Variants in MS4A18 observed in about 807,000 individuals in gnomAD.
MS4A18 encodes the protein membrane spanning 4-domains A18.
MS4A18 carries 27 observed loss-of-function variants against 13.1 expected under a neutral mutation model. That is an observed-to-expected ratio of 2.06 (90% CI 1.52 to 2.84). MS4A18 has a LOEUF of 2.84. Among genes scored for constraint, MS4A18 ranks in the 30% most tolerant of loss-of-function variants. The pLI, the probability that MS4A18 is intolerant of heterozygous loss-of-function variation, is 0.00. For synonymous variants in MS4A18, 126 were observed against 76.5 expected (o/e 1.65, Z -3.38); for missense variants, 307 against 196.4 (o/e 1.56, Z -3.37).
At chr11:60,742,435 C>T (rs1853424799) in intron 5 of MS4A18, among the ~76,000 whole-genome samples, 1 of 152,270 alleles carries the variant, frequency 6.6e-6, no homozygotes, top group African/African-American at 2.4e-5. Flanking sequence ...CAGATTATGG[C>T]TTTCACCATC....
upstream of MS4A18, among the ~76,000 whole-genome samples, chr11:60,724,960 A>G (rs1853126938): frequency 6.6e-6 from 1 of 152,188 alleles, no homozygotes; most frequent in South Asian, 2.1e-4. Context: ...GCAGCCACCC[A>G]TCCTTGGAGG....
At position 60,738,787 on chromosome 11, in the gene MS4A18, G is replaced by A. The variant is rs180861376; in HGVS notation, c.649-115G>A. ...AATAAATGCTTCTCCACCCTGCCTG[G>A]CCAACTCTTTTCTGCCCTGCCTTCT... On this transcript the variant is annotated intron_variant, in intron 3 of 5. Coordinates refer to ENST00000529108, the Ensembl canonical transcript of MS4A18. 1.0e-4 allele frequency: 61 copies of A among 608,042 alleles called. 2 individuals are homozygous for A. The highest frequency in any genetic ancestry group is 8.4e-4 in the African/African-American group (45 of 53,886). 37.7% of individuals were successfully genotyped at this position (608,042 alleles called of 1,614,324 possible).
chr11:60,739,645 C>T (rs993722368), intron 4 of MS4A18, among the ~76,000 whole-genome samples: 1 of 152,178 alleles, frequency 6.6e-6, no homozygotes, highest in African/African-American at 2.4e-5. Flanking sequence ...ACCAACTCCC[C>T]TCAATCATTG....
intron 2 of MS4A18, among the ~76,000 whole-genome samples, chr11:60,734,433 G>A (rs1054002442): frequency 2.6e-5 from 4 of 152,162 alleles, no homozygotes; most frequent in Non-Finnish European, 4.4e-5. Context: ...GTATACATAC[G>A]ACATGGAAAT....
At chr11:60,742,154 A>G (rs1023098660) in intron 5 of MS4A18, among the ~76,000 whole-genome samples, 8 of 152,122 alleles carry the variant, frequency 5.3e-5, no homozygotes, top group African/African-American at 1.7e-4. Context: ...ATTGTTTTCT[A>G]TTGCTTCCTG....
upstream of MS4A18, among the ~76,000 whole-genome samples, chr11:60,725,232 C>T (rs1322968257): frequency 2.0e-5 from 3 of 152,150 alleles, no homozygotes; most frequent in Non-Finnish European, 4.4e-5. Flanking sequence ...CTCGCTCTGT[C>T]ACCCAGGCTG....
chr11:60,729,520 T>C, exon 1 of MS4A18: 1 of 702,704 alleles, frequency 1.4e-6, no homozygotes, highest in Non-Finnish European at 2.6e-6. Context: ...GAACCAGAAC[T>C]CAGCAGCAGG....
chr11:60,739,888 G>A (rs1853392377), intron 4 of MS4A18, among the ~76,000 whole-genome samples: 1 of 152,212 alleles, frequency 6.6e-6, no homozygotes. Flanking sequence ...ATCCTCTCTT[G>A]GGACTAACCA....
intron 5 of MS4A18, among the ~76,000 whole-genome samples, chr11:60,741,969 A>G (rs1179044660): frequency 6.6e-6 from 1 of 152,246 alleles, no homozygotes; most frequent in East Asian, 1.9e-4. Context: ...GAAAAATAGG[A>G]TAAATAGAAT....
At chr11:60,744,034 C>T in exon 6 of MS4A18, 1 of 682,502 alleles carries the variant, frequency 1.5e-6, no homozygotes, top group East Asian at 2.7e-5. Context: ...ATGCCTGTCT[C>T]AATGACAAGG....
intron 2 of MS4A18, among the ~76,000 whole-genome samples, chr11:60,736,451 A>G (rs547040677): frequency 6.6e-6 from 1 of 151,972 alleles, no homozygotes; most frequent in East Asian, 1.9e-4. Flanking sequence ...TGTTTCCATC[A>G]CCTGCTCAGC....
intron 5 of MS4A18, 149 bp from the exon 7 acceptor site, chr11:60,743,501 C>T (rs921197862): frequency 1.6e-6 from 1 of 618,924 alleles, no homozygotes; most frequent in African/African-American, 1.8e-5. Flanking sequence ...CTGTTGCCCC[C>T]TTGGCCAAAG....
exon 1 of MS4A18, chr11:60,729,540 T>C (rs1256043423): frequency 1.6e-5 from 11 of 702,606 alleles, no homozygotes; most frequent in Middle Eastern, 2.3e-4. Flanking sequence ...GTGTACAGAG[T>C]CAACCCATTG....
intron 1 of MS4A18, among the ~76,000 whole-genome samples, chr11:60,732,900 C>T (rs1295936168): frequency 6.6e-6 from 1 of 152,138 alleles, no homozygotes; most frequent in Non-Finnish European, 1.5e-5. Flanking sequence ...GCAAATCTGG[C>T]TGATTTTCAG....
At chr11:60,735,380 C>G (rs1267551019) in intron 2 of MS4A18, among the ~76,000 whole-genome samples, 4 of 146,898 alleles carry the variant, frequency 2.7e-5, no homozygotes, top group Admixed American at 1.4e-4. Context: ...GTCGCCCAGG[C>G]TGGAGTGCAG....
intron 1 of MS4A18, among the ~76,000 whole-genome samples, chr11:60,731,991 T>C (rs770666170): frequency 2.6e-5 from 4 of 152,104 alleles, no homozygotes; most frequent in Admixed American, 6.5e-5. Flanking sequence ...GTCAAGCATG[T>C]CGCCTTAGGA....
downstream of MS4A18, among the ~76,000 whole-genome samples, chr11:60,744,630 T>C (rs1425831558): frequency 2.0e-5 from 3 of 152,156 alleles, no homozygotes; most frequent in Admixed American, 2.0e-4. Flanking sequence ...ACAAAGGACA[T>C]GTTTCCACAA....
At position 60,738,952 on chromosome 11, in the gene MS4A18, C is replaced by G. The variant is rs185314946; in HGVS notation, c.699C>G (p.Ala233=). Residue 233 remains alanine, a synonymous_variant, in exon 4 of 6, where the codon GCC becomes GCG. Transcript: ENST00000529108. ...TCATCAGCGCACTCTTCGCCTTTGC[C>G]GGGATCTTCATTATCATTACAGATC... 6.3e-5 allele frequency: 44 copies of G among 703,120 alleles called. 1 individual carries two copies. The highest frequency in any genetic ancestry group is 5.3e-4 in the South Asian group (36 of 67,606). 43.6% of individuals were successfully genotyped at this position (703,120 alleles called of 1,614,324 possible). A position where few individuals can be genotyped will look rare whatever the true frequency, so the allele number is the denominator to read the frequency against.
At chr11:60,732,794 T>C (rs1226813273) in intron 1 of MS4A18, among the ~76,000 whole-genome samples, 3 of 150,134 alleles carry the variant, frequency 2.0e-5, no homozygotes, top group African/African-American at 2.5e-5. Context: ...ACAAGTTTCA[T>C]AGGCACTTTT....
Sources: gnomAD v4.1 joint callset for allele counts (sites outside exome capture counted in the v4.1 genomes callset) on GRCh38, gnomAD v4.1.1 for gene constraint, MANE v1.5 for transcripts, NCBI Gene and HGNC (gene_info 2026-07-23, HGNC 2026-07-21) for gene names.